The following NSUN3 variants were observed in gnomAD, a reference collection of about 807,000 sequenced individuals.
NSUN3 encodes the protein NOP2/Sun RNA methyltransferase 3, also known as tRNA (cytosine(34)-C(5))-methyltransferase, mitochondrial.
A neutral mutation model predicts 36.8 loss-of-function variants in NSUN3; 24 were observed. The ratio of observed to expected loss-of-function variants is 0.65; its 90% CI spans 0.47 to 0.92. The LOEUF (loss-of-function observed/expected upper bound fraction) is 0.92, where lower values mean the gene tolerates loss of function less well. Ranked by LOEUF, NSUN3 falls within the 40% of genes least tolerant of loss-of-function variation. NSUN3 has a pLI of 0.00. For missense variants in NSUN3, 381 were observed against 392.8 expected (o/e 0.97, Z 0.25); for synonymous variants, 146 against 145.2 (o/e 1.01, Z -0.04).
chr3:94,093,000 C>T (rs960827773), intron 3 of NSUN3, among the ~76,000 whole-genome samples: 1 of 149,954 alleles, frequency 6.7e-6, no homozygotes, highest in African/African-American at 2.5e-5. Context: ...ACAGAAACAC[C>T]TCTCATGTGA....
intron 3 of NSUN3, among the ~76,000 whole-genome samples, chr3:94,093,730 T>G (rs921391698): frequency 6.6e-6 from 1 of 152,264 alleles, no homozygotes; most frequent in Admixed American, 6.5e-5. Flanking sequence ...GAGTTTCATC[T>G]TCTTGCACCT....
At chr3:94,115,693 T>C (rs1237111627) in intron 5 of NSUN3, among the ~76,000 whole-genome samples, 2 of 152,208 alleles carry the variant, frequency 1.3e-5, no homozygotes, top group African/African-American at 4.8e-5. Context: ...GTGCTGATTA[T>C]TCTTTTCTGC....
At position 94,094,271 on chromosome 3, in the gene NSUN3, G is replaced by T; in HGVS notation, c.598G>T (p.Ala200Ser). 6.2e-7 allele frequency: 1 copy of T among 1,612,282 alleles called. No homozygotes were observed. Among genetic ancestry groups the T allele is most frequent in the Non-Finnish European group, 8.5e-7 (1 of 1,179,518 alleles). The change falls in exon 4 of 6, where the codon GCC becomes TCC. Residue 200 changes from alanine to serine, a missense_variant. Physicochemically the swap from Ala to Ser is moderately conservative, Grantham distance 99. Coordinates refer to ENST00000314622, the MANE Select transcript of NSUN3 (RefSeq NM_022072.5). ...ATTGGATGGCAGAAAAATGGGAGATGCCCAGCCTGAAATGTTTGACAAGGT... is the reference window on the plus strand; with the variant it reads ...ATTGGATGGCAGAAAAATGGGAGATTCCCAGCCTGAAATGTTTGACAAGGT... ...SELDGRKMGD[A>S]QPEMFDKVLV...
At position 94,068,723 on chromosome 3, in the gene NSUN3, CT is replaced by C. The variant is rs35312928; in HGVS notation, c.122+4188del. Among the ~76,000 whole-genome samples the C allele has an allele frequency of 6.5e-3, 942 of 144,668 alleles. 6 individuals carry two copies. Among genetic ancestry groups the C allele is most frequent in the African/African-American group, 0.016 (626 of 39,716 alleles). The allele number at this position is 144,668 out of a possible 152,430, so 94.9% of individuals were successfully genotyped here. A position where few individuals can be genotyped will look rare whatever the true frequency, so the allele number is the denominator to read the frequency against. On this transcript the variant is annotated intron_variant, in intron 2 of 5. Transcript: ENST00000314622. Reference sequence around the variant, plus strand: ...TATAAGTCTGAACTGTCTGCAACATCTTTTTTTTTTTGGACACTCTCCTCAC... The same window carrying C: ...TATAAGTCTGAACTGTCTGCAACATCTTTTTTTTTTGGACACTCTCCTCAC...
At chr3:94,110,015 C>A (rs2077409330) in intron 5 of NSUN3, among the ~76,000 whole-genome samples, 2 of 152,098 alleles carry the variant, frequency 1.3e-5, no homozygotes, top group South Asian at 2.1e-4. Context: ...TGGAATTTTT[C>A]TCTCAGCATA....
At chr3:94,114,254 G>A (rs1009610174) in intron 5 of NSUN3, among the ~76,000 whole-genome samples, 2 of 152,152 alleles carry the variant, frequency 1.3e-5, no homozygotes, top group Non-Finnish European at 2.9e-5. Context: ...CACATAGCTT[G>A]AGGTAAAAGC....
chr3:94,097,954 C>T (rs916884903), intron 5 of NSUN3, among the ~76,000 whole-genome samples: 6 of 152,084 alleles, frequency 3.9e-5, no homozygotes, highest in African/African-American at 1.4e-4. Flanking sequence ...TCTCCTTAGC[C>T]TCAGACCTAC....
At position 94,094,349 on chromosome 3, in the gene NSUN3, G is replaced by A. The variant is rs1293074467; in HGVS notation, c.621+55G>A. ...GGACGCCCAGTAATACCACTATTATGTTGCTTTGTGGTTGTTATTTTCCAT... is the reference window on the plus strand; with the variant it reads ...GGACGCCCAGTAATACCACTATTATATTGCTTTGTGGTTGTTATTTTCCAT... On this transcript the variant is annotated intron_variant, in intron 4 of 5. Coordinates refer to ENST00000314622, the MANE Select transcript of NSUN3 (RefSeq NM_022072.5). 2.0e-5 allele frequency: 30 copies of A among 1,501,504 alleles called. No individual in the cohort carries two copies. In the Admixed American group the frequency reaches 2.5e-4, roughly 12 times the overall value. The allele number at this position is 1,501,504 out of a possible 1,614,324, so 93.0% of individuals were successfully genotyped here. A position where few individuals can be genotyped will look rare whatever the true frequency, so the allele number is the denominator to read the frequency against.
At chr3:94,106,861 T>C (rs1160883602) in intron 5 of NSUN3, among the ~76,000 whole-genome samples, 1 of 150,892 alleles carries the variant, frequency 6.6e-6, no homozygotes, top group Non-Finnish European at 1.5e-5. Flanking sequence ...AAAAATGAAA[T>C]GGAAAGGAAA....
At chr3:94,107,243 T>G (rs1313286127) in intron 5 of NSUN3, among the ~76,000 whole-genome samples, 1 of 152,148 alleles carries the variant, frequency 6.6e-6, no homozygotes, top group Non-Finnish European at 1.5e-5. Context: ...ATTAAAATAT[T>G]TCTATTGCTG....
At chr3:94,068,587 A>G (rs1315230360) in intron 2 of NSUN3, among the ~76,000 whole-genome samples, 1 of 152,254 alleles carries the variant, frequency 6.6e-6, no homozygotes, top group African/African-American at 2.4e-5. Context: ...GATTAATTGG[A>G]TAATTAATGG....
At chr3:94,087,632 A>T (rs1012869947) in intron 3 of NSUN3, among the ~76,000 whole-genome samples, 1 of 152,218 alleles carries the variant, frequency 6.6e-6, no homozygotes, top group African/African-American at 2.4e-5. Context: ...GCTGAAGGCT[A>T]TGTCCCTCTA....
At chr3:94,081,242 C>T (rs1304878016) in intron 2 of NSUN3, among the ~76,000 whole-genome samples, 1 of 152,166 alleles carries the variant, frequency 6.6e-6, no homozygotes, top group Non-Finnish European at 1.5e-5. Context: ...GCTGCACCTA[C>T]TGTCCAACCA....
rs1307263259 is a variant in NSUN3 at position 94,069,325 on chromosome 3, G to A, written c.122+4779G>A. Among the ~76,000 whole-genome samples the A allele has an allele frequency of 5.9e-5, 9 of 152,196 alleles. No homozygotes were observed. In the East Asian group the frequency reaches 1.7e-3, roughly 29 times the overall value. On this transcript the variant is annotated intron_variant, in intron 2 of 5. Coordinates refer to ENST00000314622, the MANE Select transcript of NSUN3 (RefSeq NM_022072.5). Reference sequence around the variant, plus strand: ...AGCTCTTCGTTAGCATCTCTGAGGAGTAAAAATAAAATGACTCAAAAACAT... The same window carrying A: ...AGCTCTTCGTTAGCATCTCTGAGGAATAAAAATAAAATGACTCAAAAACAT...
intron 2 of NSUN3, among the ~76,000 whole-genome samples, chr3:94,083,105 CTTTTT>C (rs35424977): frequency 7.6e-6 from 1 of 132,068 alleles, no homozygotes; most frequent in South Asian, 2.4e-4. Flanking sequence ...GGCAGGCTGC[CTTTTT>C]TTTTTTTTTT....
intron 5 of NSUN3, among the ~76,000 whole-genome samples, chr3:94,122,031 G>A (rs956596837): frequency 1.3e-5 from 2 of 151,754 alleles, no homozygotes; most frequent in African/African-American, 4.8e-5. Context: ...TGTAATCCCA[G>A]CTACTCAGGA....
At chr3:94,079,161 G>A (rs1459491106) in intron 2 of NSUN3, among the ~76,000 whole-genome samples, 1 of 152,180 alleles carries the variant, frequency 6.6e-6, no homozygotes, top group African/African-American at 2.4e-5. Context: ...TGCCTGTAAA[G>A]GATTTTATTT....
intron 5 of NSUN3, among the ~76,000 whole-genome samples, chr3:94,115,615 T>C (rs893053244): frequency 3.3e-5 from 5 of 152,198 alleles, no homozygotes; most frequent in Non-Finnish European, 7.3e-5. Context: ...CTTCTGGTGA[T>C]AAGTCATGAG....
At position 94,131,110 on chromosome 3, in the gene NSUN3, A is replaced by G. The variant is rs1203255080; in HGVS notation, c.*4620A>G. 6.6e-6 allele frequency among the ~76,000 whole-genome samples: 1 copy of G among 151,894 alleles called. No individual in the cohort carries two copies. The highest frequency in any genetic ancestry group is 2.4e-5 in the African/African-American group (1 of 41,344). ...AAATTATTATTATTATTATTATTGT[A>G]GAGATGTGACCTCACCAGGCTGGTT... On this transcript the variant is annotated 3_prime_UTR_variant, in exon 6 of 6. Transcript: ENST00000314622.
Sources: gnomAD v4.1 joint callset for allele counts (sites outside exome capture counted in the v4.1 genomes callset) on GRCh38, gnomAD v4.1.1 for gene constraint, MANE v1.5 for transcripts, NCBI Gene and HGNC (gene_info 2026-07-23, HGNC 2026-07-21) for gene names.